Variants in RGPD2 observed in about 807,000 individuals in gnomAD.
RGPD2 encodes RANBP2-like and GRIP domain-containing protein 2.
A neutral mutation model predicts 36.0 loss-of-function variants in RGPD2; 2 were observed. The observed-to-expected ratio is 0.06, with a 90% CI of 0.02 to 0.17. The LOEUF is 0.17. RGPD2 is among the 10% of genes least tolerant of loss of function. The pLI, the probability that RGPD2 is intolerant of heterozygous loss-of-function variation, is 1.00. For missense variants in RGPD2, 40 were observed against 464.3 expected (o/e 0.09, Z 8.40); for synonymous variants, 19 against 163.8 (o/e 0.12, Z 6.75).
the RGPD2 span, among the ~76,000 whole-genome samples, chr2:87,877,606 A>T: frequency 6.6e-6 from 1 of 152,372 alleles, no homozygotes; most frequent in African/African-American, 2.4e-5. Context: ...GATCAAGACC[A>T]TCCTGGCTAA....
At chr2:87,775,296 TA>T (rs1469763900) in intron 20 of RGPD2, among the ~76,000 whole-genome samples, 3 of 84,776 alleles carry the variant, frequency 3.5e-5, no homozygotes, top group Non-Finnish European at 8.1e-5. Flanking sequence ...GCATGTAATC[TA>T]ACTGAATACA....
At chr2:87,882,556 G>A in the RGPD2 span, among the ~76,000 whole-genome samples, 1 of 152,076 alleles carries the variant, frequency 6.6e-6, no homozygotes, top group South Asian at 2.1e-4. Context: ...GTCCTTTTTG[G>A]TCAAGATTGC....
chr2:87,915,368 TG>T, the RGPD2 span, among the ~76,000 whole-genome samples: 1 of 129,302 alleles, frequency 7.7e-6, no homozygotes, highest in Non-Finnish European at 1.6e-5. Flanking sequence ...TATATATATA[TG>T]TATATTATAT....
At chr2:87,858,410 TA>T in the RGPD2 span, among the ~76,000 whole-genome samples, 7 of 151,890 alleles carry the variant, frequency 4.6e-5, no homozygotes, top group South Asian at 1.2e-3. Flanking sequence ...TGTGGCTTTT[TA>T]AAAAAGCTTT....
the RGPD2 span, among the ~76,000 whole-genome samples, chr2:87,964,803 T>TTTA: frequency 3.8e-5 from 3 of 79,772 alleles, no homozygotes; most frequent in Non-Finnish European, 8.9e-5. Flanking sequence ...AAGGAATTCT[T>TTTA]TTTATTTATT....
At chr2:87,916,557 G>GGT in the RGPD2 span, among the ~76,000 whole-genome samples, 15 of 134,288 alleles carry the variant, frequency 1.1e-4, no homozygotes, top group African/African-American at 2.9e-4. Context: ...AAATAATGGG[G>GGT]GTGGATTTTG....
intron 1 of RGPD2, among the ~76,000 whole-genome samples, chr2:87,825,371 G>C (rs1574031653): frequency 1.4e-5 from 2 of 142,244 alleles, no homozygotes; most frequent in South Asian, 4.3e-4. Context: ...CTCCTACGCC[G>C]AGGCCGCCGC....
the RGPD2 span, among the ~76,000 whole-genome samples, chr2:87,839,913 A>C: frequency 1.3e-5 from 2 of 152,054 alleles, no homozygotes; most frequent in South Asian, 2.1e-4. Flanking sequence ...GAAAAAAAAA[A>C]CACATTATTC....
the RGPD2 span, among the ~76,000 whole-genome samples, chr2:87,937,557 G>A: frequency 6.6e-6 from 1 of 151,640 alleles, no homozygotes; most frequent in East Asian, 1.9e-4. Flanking sequence ...AGAGAGAGAT[G>A]GGGGAGGTCT....
chr2:87,979,241 C>CAAA, the RGPD2 span, among the ~76,000 whole-genome samples: 9,258 of 131,508 alleles, frequency 0.07, 608 homozygotes, highest in African/African-American at 0.14. Flanking sequence ...CCCCCTCCCC[C>CAAA]AAAAAAAGAA....
the RGPD2 span, among the ~76,000 whole-genome samples, chr2:87,983,190 C>T: frequency 1.5e-4 from 23 of 152,122 alleles, no homozygotes; most frequent in African/African-American, 5.6e-4. Flanking sequence ...CGTGGAAGTG[C>T]ATGCCTGTAA....
At chr2:87,763,319 G>C (rs1309442893) in intron 22 of RGPD2, among the ~76,000 whole-genome samples, 1 of 150,320 alleles carries the variant, frequency 6.7e-6, no homozygotes, top group African/African-American at 2.5e-5. Context: ...CAACACGTCT[G>C]GCTAATTTTT....
chr2:87,980,278 G>A, the RGPD2 span, among the ~76,000 whole-genome samples: 1 of 113,644 alleles, frequency 8.8e-6, no homozygotes, highest in African/African-American at 2.9e-5. Context: ...TTGAACCTGG[G>A]AGGCGGAGAT....
At chr2:87,962,500 C>T in the RGPD2 span, among the ~76,000 whole-genome samples, 1 of 152,186 alleles carries the variant, frequency 6.6e-6, no homozygotes, top group Non-Finnish European at 1.5e-5. Context: ...TGATTCTGAG[C>T]TTACCAGTGT....
the RGPD2 span, among the ~76,000 whole-genome samples, chr2:87,866,733 G>T: frequency 3.2e-4 from 48 of 152,170 alleles, no homozygotes; most frequent in South Asian, 1.0e-2. Flanking sequence ...GGGTATGTTT[G>T]CAATGGCCAT....
At chr2:87,913,354 G>A in the RGPD2 span, among the ~76,000 whole-genome samples, 1 of 151,696 alleles carries the variant, frequency 6.6e-6, no homozygotes, top group East Asian at 1.9e-4. Context: ...GAGAACACGT[G>A]GACACAGGAA....
chr2:87,848,855 G>C, the RGPD2 span, among the ~76,000 whole-genome samples: 28 of 122,310 alleles, frequency 2.3e-4, no homozygotes, highest in East Asian at 6.6e-3. Flanking sequence ...ATAATTGAGG[G>C]TGTGGTGTGT....
the RGPD2 span, among the ~76,000 whole-genome samples, chr2:87,921,108 A>C: frequency 6.6e-6 from 1 of 150,422 alleles, no homozygotes; most frequent in East Asian, 2.0e-4. Flanking sequence ...TAAGGTAGAG[A>C]TGCTAATTAG....
chr2:87,949,160 TA>T, the RGPD2 span, among the ~76,000 whole-genome samples: 1 of 142,566 alleles, frequency 7.0e-6, no homozygotes, highest in East Asian at 2.1e-4. Context: ...AAAAAGAAAA[TA>T]AAAAAAGCAA....
Sources: gnomAD v4.1 joint callset for allele counts (sites outside exome capture counted in the v4.1 genomes callset) on GRCh38, gnomAD v4.1.1 for gene constraint, MANE v1.5 for transcripts, NCBI Gene and HGNC (gene_info 2026-07-23, HGNC 2026-07-21) for gene names.